MAGI2: variants seen among roughly 807,000 people sequenced by gnomAD.
The protein encoded by MAGI2 is membrane associated guanylate kinase, WW and PDZ domain containing 2.
Under a neutral mutation model 133.3 loss-of-function variants are expected in MAGI2, and 35 were observed. That is an observed-to-expected ratio of 0.26 (90% CI 0.20 to 0.35). The LOEUF (loss-of-function observed/expected upper bound fraction) is 0.35. Among genes scored for constraint, MAGI2 ranks in the 10% least tolerant of loss-of-function variants. The pLI is 1.00. For synonymous variants in MAGI2, 729 were observed against 710.6 expected, an observed-to-expected ratio of 1.03 and a Z score of -0.41; for missense variants, 1,636 against 1,863.4, an observed-to-expected ratio of 0.88 and a Z score of 2.25.
intron 1 of MAGI2, among the ~76,000 whole-genome samples, chr7:79,158,254 A>G (rs1459790399): frequency 6.6e-6 from 1 of 152,058 alleles, no homozygotes; most frequent in East Asian, 1.9e-4. Flanking sequence ...AGCATGCCTA[A>G]TACATCTATG....
intron 21 of MAGI2, 78 bp from the exon 22 acceptor site, chr7:78,020,054 C>A: frequency 5.3e-6 from 7 of 1,318,930 alleles, no homozygotes; most frequent in South Asian, 1.5e-5. Context: ...GGGACAGGGG[C>A]AGGCAGCTGG....
At chr7:79,423,007 A>G (rs539136797) in intron 1 of MAGI2, among the ~76,000 whole-genome samples, 82 of 152,216 alleles carry the variant, frequency 5.4e-4, no homozygotes, top group South Asian at 1.5e-3. Flanking sequence ...ATTAAAAAAG[A>G]AAAAGAAATA....
At chr7:78,956,805 A>G (rs991202610) in intron 2 of MAGI2, among the ~76,000 whole-genome samples, 1 of 152,212 alleles carries the variant, frequency 6.6e-6, no homozygotes, top group Admixed American at 6.5e-5. Flanking sequence ...GGCAGAAACT[A>G]AAAAGTGATC....
chr7:79,304,180 G>A (rs887857521), intron 1 of MAGI2, among the ~76,000 whole-genome samples: 2 of 11,116 alleles, frequency 1.8e-4, no homozygotes, highest in Non-Finnish European at 3.9e-4. Context: ...TTTCAACTGG[G>A]ATGTGTGTGT....
rs566737794 is a variant in MAGI2 at position 79,219,281 on chromosome 7, C to T, written c.302-212075G>A. Among the ~76,000 whole-genome samples, 40 of 151,984 alleles carry T rather than the reference C, an allele frequency of 2.6e-4. 1 individual carries two copies. Among genetic ancestry groups the T allele is most frequent in the African/African-American group, 9.7e-4 (40 of 41,374 alleles). ...ATGTGATCAAAAAGACCACAAAAAA[C>T]CCTAAATAAAGGTAGATTTTTTTTC... is the stretch of plus-strand genomic sequence containing the variant. On this transcript the variant is annotated intron_variant, in intron 1 of 21. Transcript: ENST00000354212.
chr7:79,210,524 A>T (rs570854390), intron 1 of MAGI2, among the ~76,000 whole-genome samples: 50 of 152,002 alleles, frequency 3.3e-4, no homozygotes, highest in Non-Finnish European at 4.3e-4. Context: ...TGCCCACCTA[A>T]GTGTTAGTTG....
intron 16 of MAGI2, among the ~76,000 whole-genome samples, chr7:78,149,249 TA>T (rs1470359081): frequency 3.3e-5 from 5 of 152,208 alleles, no homozygotes; most frequent in Non-Finnish European, 7.3e-5. Context: ...TGCACAGTGC[TA>T]ACCTAGAACC....
chr7:78,626,779 T>C (rs1233054366), intron 3 of MAGI2, among the ~76,000 whole-genome samples: 4 of 151,842 alleles, frequency 2.6e-5, no homozygotes, highest in Non-Finnish European at 4.4e-5. Flanking sequence ...ACGTTTTATC[T>C]GAGAGATCAC....
chr7:79,095,739 A>G (rs567401606), intron 1 of MAGI2, among the ~76,000 whole-genome samples: 20 of 152,356 alleles, frequency 1.3e-4, no homozygotes, highest in African/African-American at 4.8e-4. Context: ...CAATTACAAC[A>G]GTAACACCAA....
At chr7:79,037,895 T>C (rs1370227445) in intron 1 of MAGI2, among the ~76,000 whole-genome samples, 4 of 152,246 alleles carry the variant, frequency 2.6e-5, no homozygotes, top group African/African-American at 7.2e-5. Context: ...TTATATCTTA[T>C]GATGCCATTT....
intron 1 of MAGI2, among the ~76,000 whole-genome samples, chr7:79,294,194 A>C (rs1410065877): frequency 6.6e-6 from 1 of 151,754 alleles, no homozygotes; most frequent in Non-Finnish European, 1.5e-5. Context: ...AAAAAAAAAA[A>C]AGGAAAAAGA....
chr7:78,792,739 GAA>G (rs1787280284), intron 2 of MAGI2, among the ~76,000 whole-genome samples: 1 of 151,742 alleles, frequency 6.6e-6, no homozygotes, highest in Non-Finnish European at 1.5e-5. Context: ...CTGAAAAAAA[GAA>G]GTAATTCATA....
intron 14 of MAGI2, among the ~76,000 whole-genome samples, chr7:78,174,390 T>C (rs1826396261): frequency 6.6e-6 from 1 of 152,264 alleles, no homozygotes; most frequent in Non-Finnish European, 1.5e-5. Flanking sequence ...CAATGGATTC[T>C]AGATGGGTTT....
chr7:78,053,423 C>T (rs1812228646), intron 21 of MAGI2, among the ~76,000 whole-genome samples: 1 of 152,178 alleles, frequency 6.6e-6, no homozygotes, highest in Non-Finnish European at 1.5e-5. Context: ...TCTGTCCCTC[C>T]TTCCCCTCTC....
intron 21 of MAGI2, among the ~76,000 whole-genome samples, chr7:78,059,978 C>T (rs982458055): frequency 6.6e-6 from 1 of 152,100 alleles, no homozygotes; most frequent in Non-Finnish European, 1.5e-5. Context: ...GTCCTGGCTA[C>T]CTTATGTCTC....
chr7:79,091,753 G>A (rs1817074352), intron 1 of MAGI2, among the ~76,000 whole-genome samples: 1 of 151,780 alleles, frequency 6.6e-6, no homozygotes, highest in African/African-American at 2.4e-5. Flanking sequence ...AGCCATGGAC[G>A]ATACACAGAT....
chr7:79,101,588 G>A (rs1044612089), intron 1 of MAGI2, among the ~76,000 whole-genome samples: 6 of 151,924 alleles, frequency 3.9e-5, no homozygotes, highest in Non-Finnish European at 8.8e-5. Context: ...GGCAGGCGTG[G>A]TGGCGGGCGC....
At chr7:78,435,130 A>G (rs1457178135) in intron 6 of MAGI2, among the ~76,000 whole-genome samples, 2 of 152,170 alleles carry the variant, frequency 1.3e-5, no homozygotes, top group African/African-American at 4.8e-5. Flanking sequence ...ATCCTGATCT[A>G]TAAATGGGGG....
intron 1 of MAGI2, among the ~76,000 whole-genome samples, chr7:79,331,957 A>G (rs1044708830): frequency 5.2e-4 from 75 of 145,112 alleles, no homozygotes; most frequent in Admixed American, 1.0e-3. Flanking sequence ...AAAAAAAAAA[A>G]GGAAAAAAAA....
Sources: allele counts gnomAD v4.1 joint callset (sites outside exome capture counted in the v4.1 genomes callset), GRCh38; gene constraint gnomAD v4.1.1; transcripts MANE v1.5; gene names NCBI Gene and HGNC (gene_info 2026-07-23, HGNC 2026-07-21).